The following KIAA1549L variants were observed in gnomAD, a reference collection of about 807,000 sequenced individuals.
KIAA1549L encodes the protein UPF0606 protein KIAA1549L.
KIAA1549L carries 88 observed loss-of-function variants against 160.7 expected under a neutral mutation model. The ratio of observed to expected loss-of-function variants is 0.55; its 90% CI spans 0.46 to 0.65. The LOEUF is 0.65. KIAA1549L is among the 30% of genes least tolerant of loss of function. The pLI is 0.00. For synonymous variants in KIAA1549L, 950 were observed against 976.7 expected (o/e 0.97, Z 0.51); for missense variants, 2,258 against 2,437.5 (o/e 0.93, Z 1.55).
intron 13 of KIAA1549L, among the ~76,000 whole-genome samples, chr11:33,605,199 C>T (rs1850469488): frequency 6.6e-6 from 1 of 150,790 alleles, no homozygotes; most frequent in Non-Finnish European, 1.5e-5. Context: ...TGTTTTTTTA[C>T]AACTAAGCCT....
At chr11:33,599,011 G>A (rs750245577) in intron 13 of KIAA1549L, 64 bp downstream of exon 13, 35 of 1,547,848 alleles carry the variant, frequency 2.3e-5, no homozygotes, top group South Asian at 1.3e-4. Context: ...ACACACATGC[G>A]TGCACACGTG....
chr11:33,637,348 C>T (rs1031940588), intron 16 of KIAA1549L, among the ~76,000 whole-genome samples: 12 of 152,230 alleles, frequency 7.9e-5, no homozygotes, highest in Non-Finnish European at 1.6e-4. Flanking sequence ...GCTTCCTAAC[C>T]GGCCTCCCAT....
intron 15 of KIAA1549L, among the ~76,000 whole-genome samples, chr11:33,617,613 T>A (rs941162065): frequency 3.9e-5 from 6 of 152,230 alleles, no homozygotes; most frequent in African/African-American, 1.4e-4. Context: ...TCCCCGTTTG[T>A]CACAGCTTAA....
At chr11:33,514,147 G>T (rs1276391563) in intron 1 of KIAA1549L, among the ~76,000 whole-genome samples, 3 of 152,140 alleles carry the variant, frequency 2.0e-5, no homozygotes, top group Non-Finnish European at 4.4e-5. Flanking sequence ...GAGGAATCTG[G>T]TCTACCTAAA....
chr11:33,477,813 A>G (rs1263752702), intron 1 of KIAA1549L, among the ~76,000 whole-genome samples: 1 of 151,616 alleles, frequency 6.6e-6, no homozygotes, highest in Non-Finnish European at 1.5e-5. Flanking sequence ...TGTCTGATCT[A>G]CCATGGTGCT....
chr11:33,496,038 C>T (rs1455163712), intron 1 of KIAA1549L, among the ~76,000 whole-genome samples: 2 of 152,318 alleles, frequency 1.3e-5, no homozygotes, highest in Non-Finnish European at 2.9e-5. Flanking sequence ...TCTCTGCTCA[C>T]TGCAACCTCT....
At chr11:33,663,310 A>C (rs1471732423) in intron 20 of KIAA1549L, among the ~76,000 whole-genome samples, 1 of 152,166 alleles carries the variant, frequency 6.6e-6, no homozygotes, top group Non-Finnish European at 1.5e-5. Context: ...GCTCAGCAGG[A>C]AACTGTGCTG....
chr11:33,486,528 A>G (rs977041366), intron 1 of KIAA1549L, among the ~76,000 whole-genome samples: 16 of 152,196 alleles, frequency 1.1e-4, no homozygotes, highest in African/African-American at 3.9e-4. Context: ...CATATACTTT[A>G]TGTGTGAAAT....
chr11:33,596,803 A>ATT (rs34752435), intron 12 of KIAA1549L, among the ~76,000 whole-genome samples: 2 of 150,908 alleles, frequency 1.3e-5, no homozygotes, highest in Non-Finnish European at 3.0e-5. Flanking sequence ...TTCCTTTCCT[A>ATT]TTTTTTTTTC....
chr11:33,615,812 G>C (rs912324161), intron 15 of KIAA1549L, among the ~76,000 whole-genome samples: 2 of 152,156 alleles, frequency 1.3e-5, no homozygotes, highest in Non-Finnish European at 2.9e-5. Context: ...ACCCTTATTA[G>C]TAAATCTTTT....
intron 1 of KIAA1549L, among the ~76,000 whole-genome samples, chr11:33,540,154 TG>T (rs1428289237): frequency 2.0e-5 from 3 of 151,834 alleles, no homozygotes; most frequent in Non-Finnish European, 2.9e-5. Flanking sequence ...GCAGAATTTT[TG>T]TGTGTGTGTG....
At chr11:33,395,733 AT>A (rs1017381959) in intron 1 of KIAA1549L, among the ~76,000 whole-genome samples, 2 of 151,304 alleles carry the variant, frequency 1.3e-5, no homozygotes, top group Non-Finnish European at 2.9e-5. Flanking sequence ...TCAAGATAAG[AT>A]TTTTTTTTCC....
chr11:33,486,243 G>T (rs1052348679), intron 1 of KIAA1549L, among the ~76,000 whole-genome samples: 1 of 152,120 alleles, frequency 6.6e-6, no homozygotes, highest in East Asian at 1.9e-4. Flanking sequence ...TACAGTGTTG[G>T]TGAGAATGTA....
intron 16 of KIAA1549L, among the ~76,000 whole-genome samples, chr11:33,633,108 T>C (rs529884588): frequency 1.5e-4 from 21 of 144,344 alleles, no homozygotes; most frequent in Admixed American, 4.3e-4. Context: ...CCCAAGTAAC[T>C]GGGATGACAG....
At chr11:33,386,798 G>T (rs1850181800) in intron 1 of KIAA1549L, among the ~76,000 whole-genome samples, 1 of 151,154 alleles carries the variant, frequency 6.6e-6, no homozygotes, top group Non-Finnish European at 1.5e-5. Flanking sequence ...TTGTTAGAAG[G>T]GTAGTGCTGG....
At position 33,415,413 on chromosome 11, in the gene KIAA1549L, C is replaced by T. The variant is rs1590229328; in HGVS notation, c.238+38524C>T. On this transcript the variant is annotated intron_variant, in intron 1 of 20. Transcript: ENST00000658780. Reference sequence around the variant, plus strand: ...TTCTGAATTTGGCTTCAGAATGTGTCGCTGTACTGTCCCTGGGGAACATGC... The same window carrying T: ...TTCTGAATTTGGCTTCAGAATGTGTTGCTGTACTGTCCCTGGGGAACATGC... Among the ~76,000 whole-genome samples the T allele has an allele frequency of 2.6e-5, 4 of 152,242 alleles. No individual in the cohort carries two copies. The South Asian group carries it at 8.3e-4, about 32-fold the overall frequency.
At chr11:33,583,560 C>G in intron 11 of KIAA1549L, 59 bp downstream of exon 11, 1 of 1,468,190 alleles carries the variant, frequency 6.8e-7, no homozygotes, top group Non-Finnish European at 9.2e-7. Context: ...CTCAGCCTGC[C>G]TTTCCCTCTT....
At chr11:33,634,634 C>A (rs1405060300) in intron 16 of KIAA1549L, among the ~76,000 whole-genome samples, 2 of 152,180 alleles carry the variant, frequency 1.3e-5, no homozygotes, top group Non-Finnish European at 2.9e-5. Context: ...ACTTCTGTTA[C>A]ACGGGGAAGA....
At chr11:33,579,989 G>A (rs1855580450) in intron 10 of KIAA1549L, among the ~76,000 whole-genome samples, 1 of 152,176 alleles carries the variant, frequency 6.6e-6, no homozygotes, top group South Asian at 2.1e-4. Context: ...TTGTCTCTCT[G>A]AAGGGAGAGT....
Sources: gnomAD v4.1 joint callset for allele counts (sites outside exome capture counted in the v4.1 genomes callset) on GRCh38, gnomAD v4.1.1 for gene constraint, MANE v1.5 for transcripts, NCBI Gene and HGNC (gene_info 2026-07-23, HGNC 2026-07-21) for gene names.